ABCC4: variants seen among roughly 807,000 people sequenced by gnomAD.
ABCC4 encodes the protein ATP binding cassette subfamily C member 4 (PEL blood group).
A neutral mutation model predicts 168.5 loss-of-function variants in ABCC4; 102 were observed. The ratio of observed to expected loss-of-function variants is 0.61; its 90% confidence interval spans 0.52 to 0.71. The LOEUF (loss-of-function observed/expected upper bound fraction) is 0.71. Among genes scored for constraint, ABCC4 ranks in the 30% least tolerant of loss-of-function variants. The pLI is 0.00. For missense variants in ABCC4, 1,402 were observed against 1,605.8 expected (o/e 0.87, Z 2.17); for synonymous variants, 617 against 590.7 (o/e 1.04, Z -0.65).
chr13:95,110,631 A>C (rs1165451021), intron 20 of ABCC4, among the ~76,000 whole-genome samples: 1 of 152,208 alleles, frequency 6.6e-6, no homozygotes, highest in Admixed American at 6.5e-5. Context: ...AAATGGAAGA[A>C]GAGATTCATG....
chr13:95,256,522 G>A (rs1375465371), intron 1 of ABCC4, among the ~76,000 whole-genome samples: 3 of 152,222 alleles, frequency 2.0e-5, no homozygotes, highest in African/African-American at 7.2e-5. Flanking sequence ...TTGGGAGTCT[G>A]AGGCAGGAAG....
intron 21 of ABCC4, among the ~76,000 whole-genome samples, chr13:95,076,484 G>A (rs1344460434): frequency 1.3e-5 from 2 of 148,636 alleles, no homozygotes; most frequent in East Asian, 2.0e-4. Context: ...TTGAGCCATT[G>A]TGTTTTTGTT....
chr13:95,175,662 C>T (rs1210133604), intron 13 of ABCC4, among the ~76,000 whole-genome samples: 1 of 152,112 alleles, frequency 6.6e-6, no homozygotes, highest in African/African-American at 2.4e-5. Context: ...GAGGGTGGGC[C>T]CTACTCTAAT....
At chr13:95,218,030 T>A (rs551226202) in intron 4 of ABCC4, among the ~76,000 whole-genome samples, 3 of 152,322 alleles carry the variant, frequency 2.0e-5, no homozygotes, top group Non-Finnish European at 4.4e-5. Flanking sequence ...AAAGTCAGAG[T>A]AAAAACGTTC....
chr13:95,194,342 C>T (rs1245089437), intron 9 of ABCC4, among the ~76,000 whole-genome samples: 9 of 152,206 alleles, frequency 5.9e-5, no homozygotes. Flanking sequence ...TGGCAACATC[C>T]AGATGCTTGG....
intron 19 of ABCC4, among the ~76,000 whole-genome samples, chr13:95,134,188 G>A (rs1040057251): frequency 5.3e-5 from 8 of 152,074 alleles, no homozygotes; most frequent in African/African-American, 1.9e-4. Flanking sequence ...GAGAACCGAA[G>A]GCCAAAAGGA....
At chr13:95,289,441 A>G (rs1013905014) in intron 1 of ABCC4, among the ~76,000 whole-genome samples, 10 of 152,140 alleles carry the variant, frequency 6.6e-5, no homozygotes, top group African/African-American at 2.2e-4. Context: ...GACCCTCATT[A>G]TGCTACCTGG....
intron 1 of ABCC4, among the ~76,000 whole-genome samples, chr13:95,281,412 A>C (rs2041124035): frequency 6.6e-6 from 1 of 152,032 alleles, no homozygotes; most frequent in Admixed American, 6.6e-5. Flanking sequence ...TGCCCAAGAC[A>C]CACCTCATCT....
At position 95,100,244 on chromosome 13, in the gene ABCC4, C is replaced by G. The variant is rs559617196; in HGVS notation, c.2535+15678G>C. On this transcript the variant is annotated intron_variant, in intron 20 of 30. Coordinates refer to ENST00000645237, the MANE Select transcript of ABCC4 (RefSeq NM_005845.5). ...CTATGCTCTGCTGAATACCACCAGACTTGATAAAAATGAGACTCTTAATTT... is the reference window on the plus strand; with the variant it reads ...CTATGCTCTGCTGAATACCACCAGAGTTGATAAAAATGAGACTCTTAATTT... Among the ~76,000 whole-genome samples the G allele has an allele frequency of 5.3e-5, 8 of 152,296 alleles. No homozygotes were observed. In the South Asian group the frequency reaches 1.7e-3, roughly 32 times the overall value.
Position 95,234,706 on chromosome 13 carries a change from C to A in ABCC4, c.435G>T (p.Thr145=). 6.2e-7 allele frequency: 1 copy of A among 1,614,066 alleles called. No homozygotes were observed. The highest frequency in any genetic ancestry group is 8.5e-7 in the Non-Finnish European group (1 of 1,179,988). ...AGTGATGCAGTATAGCCAAAATGAG[C>A]GTGCAAAAAGTCAGCACCGTGGCAT... ...YAYATVLTFC[T]LILAILHHLY... Residue 145 remains threonine (T), a synonymous_variant, in exon 4 of 31, where the codon ACG becomes ACT. Coordinates refer to ENST00000645237, the MANE Select transcript of ABCC4 (RefSeq NM_005845.5).
At chr13:95,090,083 C>A (rs1566407797) in intron 20 of ABCC4, among the ~76,000 whole-genome samples, 1 of 152,104 alleles carries the variant, frequency 6.6e-6, no homozygotes, top group Non-Finnish European at 1.5e-5. Context: ...TACTGCAGGA[C>A]CTAGGAGACA....
chr13:95,142,754 C>T (rs1342233804), intron 19 of ABCC4, among the ~76,000 whole-genome samples: 1 of 152,098 alleles, frequency 6.6e-6, no homozygotes, highest in Non-Finnish European at 1.5e-5. Flanking sequence ...GAGTAAAAAT[C>T]AGTGTCTCAC....
intron 1 of ABCC4, among the ~76,000 whole-genome samples, chr13:95,282,838 T>C (rs1351126505): frequency 1.3e-5 from 2 of 151,948 alleles, no homozygotes; most frequent in African/African-American, 4.8e-5. Context: ...CAGCCTAAAG[T>C]ATGTTAAATA....
intron 11 of ABCC4, among the ~76,000 whole-genome samples, chr13:95,179,472 C>T (rs147133391): frequency 9.3e-4 from 142 of 152,216 alleles, no homozygotes; most frequent in African/African-American, 2.6e-3. Context: ...AGGATCCAAC[C>T]AAAGTTATAT....
At chr13:95,270,310 A>G (rs1381464835) in intron 1 of ABCC4, among the ~76,000 whole-genome samples, 8 of 151,250 alleles carry the variant, frequency 5.3e-5, no homozygotes, top group African/African-American at 1.5e-4. Flanking sequence ...GTGATTTAAG[A>G]AAAGTAAATA....
At chr13:95,093,492 TC>T (rs1263520802) in intron 20 of ABCC4, among the ~76,000 whole-genome samples, 40 of 151,988 alleles carry the variant, frequency 2.6e-4, no homozygotes, top group Admixed American at 2.6e-3. Flanking sequence ...AAATCCAGCA[TC>T]CCTTTAAGAT....
At chr13:95,146,334 T>C (rs1450143282) in intron 19 of ABCC4, among the ~76,000 whole-genome samples, 1 of 152,114 alleles carries the variant, frequency 6.6e-6, no homozygotes, top group Non-Finnish European at 1.5e-5. Context: ...CAAAATAATC[T>C]GTATACCAAA....
At chr13:95,258,886 G>A (rs556092611) in intron 1 of ABCC4, among the ~76,000 whole-genome samples, 1 of 152,184 alleles carries the variant, frequency 6.6e-6, no homozygotes, top group African/African-American at 2.4e-5. Context: ...TTCAGGTGTG[G>A]CAAATTATTA....
At chr13:95,268,442 G>C (rs1460376009) in intron 1 of ABCC4, among the ~76,000 whole-genome samples, 2 of 152,096 alleles carry the variant, frequency 1.3e-5, no homozygotes, top group Non-Finnish European at 2.9e-5. Flanking sequence ...CACCCTAAAG[G>C]GTCTGTGCTG....
Sources: allele counts gnomAD v4.1 joint callset (sites outside exome capture counted in the v4.1 genomes callset), GRCh38; gene constraint gnomAD v4.1.1; transcripts MANE v1.5; gene names NCBI Gene and HGNC (gene_info 2026-07-23, HGNC 2026-07-21).